The following CLPTM1L variants were observed in gnomAD, a reference collection of about 807,000 sequenced individuals.
The protein encoded by CLPTM1L is CLPTM1 like.
CLPTM1L carries 38 observed loss-of-function variants against 70.9 expected under a neutral mutation model. The observed-to-expected ratio is 0.54, with a 90% CI of 0.41 to 0.70. CLPTM1L has a LOEUF of 0.70. Among genes scored for constraint, CLPTM1L ranks in the 30% least tolerant of loss-of-function variants. The pLI, the probability that CLPTM1L is intolerant of heterozygous loss-of-function variation, is 0.00. For missense variants in CLPTM1L, 652 were observed against 705.9 expected (o/e 0.92, Z 0.87); for synonymous variants, 339 against 299.9 (o/e 1.13, Z -1.35).
chr5:1,334,762 C>A (rs1429810333), intron 6 of CLPTM1L, among the ~76,000 whole-genome samples: 1 of 151,866 alleles, frequency 6.6e-6, no homozygotes, highest in Non-Finnish European at 1.5e-5. Flanking sequence ...TCAAAACAAA[C>A]AAACAAACAA....
At chr5:1,322,999 A>G in intron 12 of CLPTM1L, 88 bp from the exon 13 acceptor site, 1 of 1,341,936 alleles carries the variant, frequency 7.5e-7, no homozygotes, top group Non-Finnish European at 1.1e-6. Flanking sequence ...TTCATTAAAA[A>G]TCCTCTGAAA....
intron 9 of CLPTM1L, among the ~76,000 whole-genome samples, chr5:1,326,930 C>T (rs1225638584): frequency 2.1e-4 from 31 of 150,408 alleles, no homozygotes; most frequent in African/African-American, 2.7e-4. Flanking sequence ...TCCTCCTCTA[C>T]GGACACATTT....
At chr5:1,324,682 G>A (rs1752404783) in intron 11 of CLPTM1L, 81 bp downstream of exon 11, 4 of 1,324,412 alleles carry the variant, frequency 3.0e-6, no homozygotes, top group South Asian at 1.2e-5. Flanking sequence ...CTTCCGCACT[G>A]AGCAATGACA....
At chr5:1,326,708 CCATCCAGCTCCTCCTCTACGGGGACATTT>C (rs1342235966) in intron 9 of CLPTM1L, among the ~76,000 whole-genome samples, 7 of 134,456 alleles carry the variant, frequency 5.2e-5, no homozygotes, top group African/African-American at 1.9e-4. Context: ...CGGGGACATT[CCATCCAGCTCCTCCTCTACGGGGACATTT>C]CATCCAGCTC....
intron 10 of CLPTM1L, chr5:1,325,119 G>C: frequency 2.0e-6 from 1 of 497,292 alleles, no homozygotes; most frequent in Non-Finnish European, 3.6e-6. Context: ...AGAGCACACA[G>C]GCACAGCCAA....
chr5:1,334,127 C>T (rs1753391596), intron 7 of CLPTM1L, among the ~76,000 whole-genome samples, 162 bp downstream of exon 7: 1 of 152,148 alleles, frequency 6.6e-6, no homozygotes, highest in Non-Finnish European at 1.5e-5. Flanking sequence ...ACAATGGTCG[C>T]CTGGTGTCAG....
In CLPTM1L at chr5:1,343,318, G is replaced by A. The variant is rs1430076547; in HGVS notation, c.263+1033C>T. ...AAGTGTCTCTCTTCAGGCAGAGGGTGCAGGGCTGTGTATTTCTGGTGGAAT... is the reference window on the plus strand; with the variant it reads ...AAGTGTCTCTCTTCAGGCAGAGGGTACAGGGCTGTGTATTTCTGGTGGAAT... On this transcript the variant is annotated intron_variant, in intron 2 of 16. Transcript: ENST00000320895. 2.0e-5 allele frequency among the ~76,000 whole-genome samples: 3 copies of A among 152,200 alleles called. 1 individual carries two copies. The East Asian group carries it at 5.8e-4, about 29-fold the overall frequency.
intron 10 of CLPTM1L, 53 bp from the exon 11 acceptor site, chr5:1,324,866 A>C (rs1752420363): frequency 6.5e-6 from 10 of 1,545,026 alleles, no homozygotes; most frequent in Non-Finnish European, 9.0e-6. Flanking sequence ...GGATCTGAGC[A>C]CAGCTGAGCT....
Position 1,318,685 on chromosome 5 carries a change from GC to G in CLPTM1L, c.1533-233del, listed in dbSNP as rs1195226544. On this transcript the variant is annotated intron_variant, in intron 16 of 16. Transcript: ENST00000320895. This position sits in a 1 kb window ranked among gnomAD's most constrained non-coding sequence, Gnocchi z 8.9. ...CTGCTCTCAAGGAAAGGGAAGCTTGGCCGAAGGGACGACCCGGAGGCTGCAC... is the reference window on the plus strand; with the variant it reads ...CTGCTCTCAAGGAAAGGGAAGCTTGGCGAAGGGACGACCCGGAGGCTGCAC... 6.6e-6 allele frequency among the ~76,000 whole-genome samples: 1 copy of G among 152,166 alleles called. No homozygotes were observed. Among genetic ancestry groups the G allele is most frequent in the Non-Finnish European group, 1.5e-5 (1 of 68,020 alleles).
chr5:1,343,392 TC>T (rs1041601711), intron 2 of CLPTM1L, among the ~76,000 whole-genome samples: 2 of 152,178 alleles, frequency 1.3e-5, no homozygotes, highest in Admixed American at 1.3e-4. Flanking sequence ...GTGCTCATTC[TC>T]CCCACTTCCT....
At chr5:1,325,879 G>T (rs536921740) in intron 9 of CLPTM1L, 63 bp from the exon 10 acceptor site, 19 of 1,406,848 alleles carry the variant, frequency 1.4e-5, no homozygotes, top group Non-Finnish European at 1.8e-5. Flanking sequence ...ACGAATGAAC[G>T]ACCCAGACAG....
In CLPTM1L at chr5:1,341,816, G is replaced by A. The variant is rs1019362368; in HGVS notation, c.308C>T (p.Thr103Met). ...ATGGAGGAAGATGTAGGCATACAGC[G>A]TCCCATTGTTTCTCGTTTTCTTTGG... ...SVPKKTRNNGTLYAYIFLHHA... is the reference protein window; with the variant it reads ...SVPKKTRNNGMLYAYIFLHHA... Residue 103 changes from threonine (T) to methionine (M), a missense_variant, in exon 3 of 17, where the codon ACG (threonine) becomes ATG (methionine). Thr to Met is a moderately conservative substitution (Grantham distance 81). Around this residue, in one of 3 missense-constraint regions of CLPTM1L, gnomAD observed 402 missense variants for 388.2 expected, o/e 1.04. Coordinates refer to ENST00000320895, the MANE Select transcript of CLPTM1L (RefSeq NM_030782.5). 6.2e-6 allele frequency: 10 copies of A among 1,613,790 alleles called. No homozygotes were observed. Among genetic ancestry groups the A allele is most frequent in the African/African-American group, 2.7e-5 (2 of 74,928 alleles).
intron 5 of CLPTM1L, 119 bp downstream of exon 5, chr5:1,337,785 A>C: frequency 1.2e-6 from 1 of 817,140 alleles, no homozygotes; most frequent in Non-Finnish European, 2.0e-6. Flanking sequence ...CAGCACGGGT[A>C]AAAGCACCGT....
rs1363848412 is a variant in CLPTM1L at position 1,330,358 on chromosome 5, C to G, written c.1002G>C (p.Val334=). 5.0e-6 allele frequency: 8 copies of G among 1,612,740 alleles called. No individual in the cohort carries two copies. The African/African-American group carries it at 9.3e-5, about 19-fold the overall frequency. Residue 334 remains valine, a synonymous_variant, in exon 9 of 17, where the codon GTG becomes GTC. Transcript: ENST00000320895. ...KAVLWRCFST[V]VIFLFLLDEQ... ...CGTCCAGCAGGAACAGAAAGATGAC[C>G]ACGGTGCTGAAGCAGCGCCAGAGCA...
chr5:1,325,332 G>A (rs540621227), intron 10 of CLPTM1L: 9 of 254,154 alleles, frequency 3.5e-5, no homozygotes, highest in African/African-American at 2.0e-4. Context: ...TCTGCCTAGG[G>A]GCCTTATGGG....
chr5:1,338,800 C>A, intron 4 of CLPTM1L, 60 bp downstream of exon 4: 1 of 1,602,380 alleles, frequency 6.2e-7, no homozygotes, highest in South Asian at 1.1e-5. Context: ...CTGGCGAGTT[C>A]TGGCCAGCCA....
At chr5:1,334,791 T>C (rs1178259211) in intron 6 of CLPTM1L, among the ~76,000 whole-genome samples, 3 of 148,164 alleles carry the variant, frequency 2.0e-5, no homozygotes, top group African/African-American at 7.5e-5. Flanking sequence ...ACAATAAAAA[T>C]AAATCTCATC....
chr5:1,340,681 G>C (rs1753883644), intron 3 of CLPTM1L, among the ~76,000 whole-genome samples: 1 of 152,194 alleles, frequency 6.6e-6, no homozygotes, highest in African/African-American at 2.4e-5. Flanking sequence ...GCAGGAGCAG[G>C]TGTTGGTAGG....
chr5:1,321,617 A>G lies in CLPTM1L; in HGVS notation c.1416+18T>C. On this transcript the variant is annotated intron_variant, in intron 15 of 16. Transcript: ENST00000320895. ...TCTGCTCAGTGAGAAGGGATTCCTC[A>G]CCGGCTGTCACACTCACCTTGTAGG... The G allele has an allele frequency of 1.2e-6, 2 of 1,612,164 alleles. No individual in the cohort carries two copies. The highest frequency in any genetic ancestry group is 1.7e-6 in the Non-Finnish European group (2 of 1,178,482).
Sources: gnomAD v4.1 joint callset for allele counts (sites outside exome capture counted in the v4.1 genomes callset) on GRCh38, gnomAD v4.1.1 for gene constraint, gnomAD v4.1.1 regional missense constraint, Gnocchi (gnomAD v3.1) non-coding constraint, MANE v1.5 for transcripts, NCBI Gene and HGNC (gene_info 2026-07-23, HGNC 2026-07-21) for gene names.